The following ST6GAL1 variants were observed in gnomAD, a reference collection of about 807,000 sequenced individuals.
ST6GAL1 encodes ST6 beta-galactoside alpha-2,6-sialyltransferase 1.
A neutral mutation model predicts 38.0 loss-of-function variants in ST6GAL1; 20 were observed. The ratio of observed to expected loss-of-function variants is 0.53; its 90% confidence interval spans 0.37 to 0.77. The LOEUF (loss-of-function observed/expected upper bound fraction) is 0.77. Ranked by LOEUF, ST6GAL1 falls within the 30% of genes least tolerant of loss-of-function variation. ST6GAL1 has a pLI of 0.00. For missense variants in ST6GAL1, 432 were observed against 496.4 expected, an observed-to-expected ratio of 0.87 and a Z score of 1.23; for synonymous variants, 196 against 188.2, an observed-to-expected ratio of 1.04 and a Z score of -0.34.
At position 187,043,231 on chromosome 3, in the gene ST6GAL1, C is replaced by T. The variant is rs766166725; in HGVS notation, c.528C>T (p.Thr176=). 4.3e-6 allele frequency: 7 copies of T among 1,614,186 alleles called. No individual in the cohort carries two copies. The highest frequency in any genetic ancestry group is 1.6e-4 in the Middle Eastern group (1 of 6,062). Residue 176 remains threonine (T), a synonymous_variant, in exon 4 of 8, where the codon ACC becomes ACT. Coordinates refer to ENST00000169298, the MANE Select transcript of ST6GAL1 (RefSeq NM_173216.2). ...ATCTGCCCAAGGAGAGCATTAGGAC[C>T]AAGGCTGGGCCTTGGGGCAGGTGTG... ...EGYLPKESIR[T]KAGPWGRCAV... is the part of the protein sequence containing the mutation.
At chr3:187,013,698 C>T (rs1444796627) in intron 2 of ST6GAL1, among the ~76,000 whole-genome samples, 1 of 152,196 alleles carries the variant, frequency 6.6e-6, no homozygotes, top group African/African-American at 2.4e-5. Flanking sequence ...TATTCTCGTG[C>T]CTCAGCCTCC....
At chr3:186,957,195 A>T (rs1714774214) in intron 1 of ST6GAL1, among the ~76,000 whole-genome samples, 1 of 152,200 alleles carries the variant, frequency 6.6e-6, no homozygotes, top group Non-Finnish European at 1.5e-5. Context: ...GTATTCCCAG[A>T]ACTTTGGGAG....
intron 2 of ST6GAL1, among the ~76,000 whole-genome samples, chr3:186,976,916 C>A (rs772171300): frequency 2.6e-5 from 4 of 152,212 alleles, no homozygotes; most frequent in Non-Finnish European, 5.9e-5. Flanking sequence ...GCTTTAATGC[C>A]AGGCACTGTT....
At chr3:187,051,391 G>A (rs185903833) in intron 5 of ST6GAL1, 45 bp downstream of exon 5, 1 of 1,567,500 alleles carries the variant, frequency 6.4e-7, no homozygotes, top group Non-Finnish European at 8.8e-7. Flanking sequence ...AAGGACCACA[G>A]TGTGGGCTCT....
intron 2 of ST6GAL1, among the ~76,000 whole-genome samples, chr3:186,985,978 C>T (rs1021258903): frequency 2.0e-5 from 3 of 152,072 alleles, no homozygotes; most frequent in Non-Finnish European, 4.4e-5. Context: ...GAAAAAGACC[C>T]AGAGACGCCT....
At chr3:186,943,020 G>A (rs924029557) in intron 1 of ST6GAL1, among the ~76,000 whole-genome samples, 1 of 152,134 alleles carries the variant, frequency 6.6e-6, no homozygotes, top group East Asian at 1.9e-4. Flanking sequence ...CTCATTTTTA[G>A]AACATAGATC....
intron 5 of ST6GAL1, among the ~76,000 whole-genome samples, chr3:187,056,723 C>A (rs990164818): frequency 1.3e-4 from 20 of 152,114 alleles, no homozygotes; most frequent in Non-Finnish European, 2.5e-4. Context: ...TTCTCTCTGG[C>A]TGCCCTTAAT....
intron 1 of ST6GAL1, among the ~76,000 whole-genome samples, chr3:186,963,456 C>T (rs1399033106): frequency 6.6e-6 from 1 of 152,220 alleles, no homozygotes; most frequent in Non-Finnish European, 1.5e-5. Context: ...TGATTGAAAT[C>T]CATTGTCCGC....
chr3:187,039,946 G>A (rs143844991), intron 3 of ST6GAL1, among the ~76,000 whole-genome samples: 8 of 152,292 alleles, frequency 5.3e-5, no homozygotes, highest in African/African-American at 2.4e-5. Context: ...CAAGACTGTC[G>A]CTAGACCCAG....
chr3:187,062,723 T>A (rs59092417), intron 5 of ST6GAL1, among the ~76,000 whole-genome samples: 23,348 of 152,162 alleles, frequency 0.15, 3,483 homozygotes, highest in African/African-American at 0.39. Flanking sequence ...TGGAGATGGT[T>A]TGTGGTGATA....
chr3:186,941,493 A>C (rs1178347425), intron 1 of ST6GAL1, among the ~76,000 whole-genome samples: 1 of 152,198 alleles, frequency 6.6e-6, no homozygotes, highest in Admixed American at 6.5e-5. Flanking sequence ...CTAGTCTGCA[A>C]GAGATAAAAA....
rs1719024725 is a variant in ST6GAL1 at position 187,064,433 on chromosome 3, G to A, written c.706-8416G>A. ...AAAGGGTTGCGAAATAGCTCCCGTGGAATCAGAATCTGACAGGGAGGAAGA... is the reference window on the plus strand; with the variant it reads ...AAAGGGTTGCGAAATAGCTCCCGTGAAATCAGAATCTGACAGGGAGGAAGA... On this transcript the variant is annotated intron_variant, in intron 5 of 7. Transcript: ENST00000169298. The A allele has an allele frequency of 7.0e-5, 31 of 442,062 alleles. 1 individual carries two copies. Among genetic ancestry groups the A allele is most frequent in the South Asian group, 5.0e-4 (31 of 62,324 alleles). 27.4% of individuals were successfully genotyped at this position (442,062 alleles called of 1,614,324 possible). A position where few individuals can be genotyped will look rare whatever the true frequency, so the allele number is the denominator to read the frequency against.
chr3:186,987,118 G>T (rs1483468180), intron 2 of ST6GAL1, among the ~76,000 whole-genome samples: 1 of 132,408 alleles, frequency 7.6e-6, no homozygotes, highest in Non-Finnish European at 1.6e-5. Context: ...CAGGCAGACT[G>T]CATAGGAAAG....
chr3:186,991,606 A>G (rs937122205), intron 2 of ST6GAL1, among the ~76,000 whole-genome samples: 3 of 152,040 alleles, frequency 2.0e-5, no homozygotes, highest in South Asian at 2.1e-4. Flanking sequence ...CACTCTCCCA[A>G]GGGTTTATCT....
intron 1 of ST6GAL1, among the ~76,000 whole-genome samples, chr3:186,956,242 T>C (rs1167903542): frequency 6.6e-6 from 1 of 152,182 alleles, no homozygotes; most frequent in Non-Finnish European, 1.5e-5. Context: ...AACAAGCCCT[T>C]ATCTGCAACT....
intron 1 of ST6GAL1, among the ~76,000 whole-genome samples, chr3:186,951,728 C>T (rs1317743140): frequency 1.3e-5 from 2 of 152,118 alleles, no homozygotes; most frequent in Non-Finnish European, 2.9e-5. Flanking sequence ...TAATGGCAGT[C>T]GGAGGAAAAC....
At chr3:186,960,887 C>T (rs1328673924) in intron 1 of ST6GAL1, among the ~76,000 whole-genome samples, 1 of 151,840 alleles carries the variant, frequency 6.6e-6, no homozygotes, top group Non-Finnish European at 1.5e-5. Context: ...TCCTGTCTAC[C>T]TCTCCCAGGG....
chr3:187,022,426 G>C (rs571041919), intron 2 of ST6GAL1, among the ~76,000 whole-genome samples: 17 of 152,298 alleles, frequency 1.1e-4, no homozygotes, highest in East Asian at 7.7e-4. Flanking sequence ...GGATTCTTTA[G>C]CTAACAGTAG....
chr3:186,991,985 A>G (rs1467425249), intron 2 of ST6GAL1, among the ~76,000 whole-genome samples: 1 of 152,086 alleles, frequency 6.6e-6, no homozygotes, highest in Admixed American at 6.5e-5. Context: ...GACCTCCCAT[A>G]TGGCCAAATC....
Sources: gnomAD v4.1 joint callset for allele counts (sites outside exome capture counted in the v4.1 genomes callset) on GRCh38, gnomAD v4.1.1 for gene constraint, MANE v1.5 for transcripts, NCBI Gene and HGNC (gene_info 2026-07-23, HGNC 2026-07-21) for gene names.